RPS6: variants seen among roughly 807,000 people sequenced by gnomAD.
RPS6 encodes small ribosomal subunit protein eS6.
RPS6 carries 1 observed loss-of-function variant against 27.1 expected under a neutral mutation model. The observed-to-expected ratio is 0.04, with a 90% CI of 0.01 to 0.18. The LOEUF (loss-of-function observed/expected upper bound fraction) is 0.18. RPS6 is among the 10% of genes least tolerant of loss of function. RPS6 has a pLI of 1.00. For synonymous variants in RPS6, 152 were observed against 106.0 expected (o/e 1.43, Z -2.66); for missense variants, 259 against 319.1 (o/e 0.81, Z 1.44).
chr9:19,377,812 C>T (rs139602735), intron 4 of RPS6, among the ~76,000 whole-genome samples: 130 of 152,278 alleles, frequency 8.5e-4, no homozygotes, highest in African/African-American at 2.8e-3. Context: ...TATTGTTATC[C>T]ATATCCTACA....
chr9:19,380,070 C>A, intron 1 of RPS6, 120 bp downstream of exon 1: 3 of 1,610,460 alleles, frequency 1.9e-6, no homozygotes. Context: ...CCTTCTCCTA[C>A]TTGAGACCCT....
At chr9:19,378,639 A>C in intron 3 of RPS6, 69 bp downstream of exon 3, 1 of 1,584,002 alleles carries the variant, frequency 6.3e-7, no homozygotes, top group Non-Finnish European at 8.7e-7. Flanking sequence ...GGATACTGCA[A>C]ATGAATAAGC....
intron 3 of RPS6, 29 bp downstream of exon 3, chr9:19,378,679 A>C (rs757544668): frequency 1.2e-6 from 2 of 1,609,422 alleles, no homozygotes; most frequent in Non-Finnish European, 1.7e-6. Context: ...AATCAATTTC[A>C]ACGAAAATTG....
At chr9:19,379,955 G>C in intron 1 of RPS6, 8 of 1,437,270 alleles carry the variant, frequency 5.6e-6, no homozygotes, top group Non-Finnish European at 7.3e-6. Flanking sequence ...ATCCGTCCCG[G>C]CTGGGCGCGG....
rs1829562521 is a variant in RPS6, at chr9:19,375,799, G to C, written c.*494C>G. 1 of 152,570 alleles carries C rather than the reference G, an allele frequency of 6.6e-6. No individual in the cohort carries two copies. 9.5% of individuals were successfully genotyped at this position (152,570 alleles called of 1,614,324 possible). On this transcript the variant is annotated 3_prime_UTR_variant, in exon 6 of 6. Coordinates refer to ENST00000380394, the MANE Select transcript of RPS6 (RefSeq NM_001010.3). ...CAATTCACTGGAGTTGAAAAGCTTT[G>C]TTAAAACAAATTTGAAATGGCTTAA...
intron 1 of RPS6, 46 bp from the exon 2 acceptor site, chr9:19,379,664 G>A (rs1238455352): frequency 2.5e-6 from 4 of 1,568,656 alleles, no homozygotes; most frequent in African/African-American, 1.4e-5. Flanking sequence ...TATCTATACA[G>A]GTAATTGTAG....
intron 1 of RPS6, chr9:19,379,942 CGCA>C: frequency 7.0e-7 from 1 of 1,434,682 alleles, no homozygotes; most frequent in South Asian, 1.5e-5. Flanking sequence ...GGCAACACGC[CGCA>C]TCCGTCCCGG....
At position 19,379,344 on chromosome 9, in the gene RPS6, T is replaced by A. The variant is rs141083634; in HGVS notation, c.138+143A>T. ...GTCCCCCCCTCCAAGGTAATACCTCTAACTTTATAAAGTGGCATTCGGAAG... is the reference window on the plus strand; with the variant it reads ...GTCCCCCCCTCCAAGGTAATACCTCAAACTTTATAAAGTGGCATTCGGAAG... On this transcript the variant is annotated intron_variant, in intron 2 of 5. Coordinates refer to ENST00000380394, the MANE Select transcript of RPS6 (RefSeq NM_001010.3). 4.1e-5 allele frequency: 63 copies of A among 1,543,280 alleles called. 1 individual carries two copies. In the African/African-American group the frequency reaches 6.7e-4, roughly 16 times the overall value.
In RPS6 at chr9:19,378,760, A is replaced by C. The variant is rs1459067370; in HGVS notation, c.297T>G (p.Gly99=). Residue 99 remains glycine, a synonymous_variant, in exon 3 of 6, where the codon GGT becomes GGG. Coordinates refer to ENST00000380394, the MANE Select transcript of RPS6 (RefSeq NM_001010.3). ...CGCTCAGATTTGCATCCACAATGCA[A>C]CCACGAACTGATTTTCTCTTTCTTT... is the stretch of plus-strand genomic sequence containing the variant. ...TGERKRKSVR[G]CIVDANLSVL... 1.2e-6 allele frequency: 2 copies of C among 1,614,188 alleles called. No individual in the cohort carries two copies. Among genetic ancestry groups the C allele is most frequent in the African/African-American group, 1.3e-5 (1 of 75,060 alleles).
rs892869061 is a variant in RPS6, at chr9:19,379,479, A to C, written c.138+8T>G. The C allele has an allele frequency of 1.2e-6, 2 of 1,614,148 alleles. No individual in the cohort carries two copies. The highest frequency in any genetic ancestry group is 1.7e-6 in the Non-Finnish European group (2 of 1,180,014). ...CTTAAATACCTGCAACAATTTGTCA[A>C]CTTTTACCTTCCATTCTTCACCCAG... is the stretch of plus-strand genomic sequence containing the variant. On this transcript the variant is annotated splice_region_variant and intron_variant, in intron 2 of 5. Transcript: ENST00000380394.
In RPS6 at chr9:19,376,683, A is replaced by G. The variant is rs1333766148; in HGVS notation, c.497-32T>C. ...ATTCAAAGGACTCAATCATTTCAAT[A>G]TTTGTTTTGTTAGAATCCACATCTA... On this transcript the variant is annotated intron_variant, in intron 4 of 5. Transcript: ENST00000380394. 6.3e-6 allele frequency: 10 copies of G among 1,584,730 alleles called. No individual in the cohort carries two copies. The East Asian group carries it at 1.1e-4, about 18-fold the overall frequency.
intron 1 of RPS6, 131 bp downstream of exon 1, chr9:19,380,059 G>C (rs1414754475): frequency 5.0e-6 from 8 of 1,595,688 alleles, no homozygotes; most frequent in Non-Finnish European, 6.8e-6. Context: ...AGAAAGGCGA[G>C]CCTTCTCCTA....
chr9:19,378,429 G>A lies in RPS6; in HGVS notation c.435C>T (p.Phe145=), dbSNP rs576977608. The A allele has an allele frequency of 2.0e-5, 32 of 1,613,908 alleles. No individual in the cohort carries two copies. The highest frequency in any genetic ancestry group is 8.8e-5 in the South Asian group (8 of 91,072). ...GGACATCATCTTCTTTAGAGAGATT[G>A]AAAAGTTTGCGGATTCTGCTAGCTC... The part of the protein sequence containing the change: ...PKRASRIRKL[F]NLSKEDDVRQ... The change falls in exon 4 of 6, where the codon TTC becomes TTT. Residue 145 remains phenylalanine (F), a synonymous_variant. Transcript: ENST00000380394.
intron 2 of RPS6, chr9:19,379,214 C>A: frequency 8.3e-7 from 1 of 1,200,154 alleles, no homozygotes; most frequent in Non-Finnish European, 1.1e-6. Context: ...CTTTTTGGCA[C>A]TTTGGGGATT....
Position 19,378,347 on chromosome 9 carries a change from T to C in RPS6, c.496+21A>G, listed in dbSNP as rs1196424247. ...CAAATTACCAAAATTAAGCAAGCCC[T>C]AATTGCATAATCCCTCCTACCTTCT... On this transcript the variant is annotated intron_variant, in intron 4 of 5. Coordinates refer to ENST00000380394, the MANE Select transcript of RPS6 (RefSeq NM_001010.3). The C allele has an allele frequency of 4.4e-6, 7 of 1,608,860 alleles. No homozygotes were observed. The African/African-American group carries it at 5.4e-5, about 12-fold the overall frequency.
At position 19,376,020 on chromosome 9, in the gene RPS6, T is replaced by TG. The variant is rs1829574090; in HGVS notation, c.*272_*273insC. 1 of 315,200 alleles carries TG rather than the reference T, an allele frequency of 3.2e-6. No individual in the cohort carries two copies. Among genetic ancestry groups the TG allele is most frequent in the Non-Finnish European group, 5.8e-6 (1 of 171,220 alleles). 19.5% of individuals were successfully genotyped at this position (315,200 alleles called of 1,614,324 possible). A position where few individuals can be genotyped will look rare whatever the true frequency, so the allele number is the denominator to read the frequency against. On this transcript the variant is annotated 3_prime_UTR_variant, in exon 6 of 6. Transcript: ENST00000380394. ...GATTAATAGTCCTCATCATTTCCCC[T>TG]AAGTTCCATGCCATTCTGAAGAGGC...
intron 2 of RPS6, 123 bp downstream of exon 2, chr9:19,379,364 C>G (rs748491628): frequency 1.2e-5 from 18 of 1,551,138 alleles, no homozygotes; most frequent in Non-Finnish European, 1.4e-5. Context: ...AAGTGGCATT[C>G]GGAAGCAACT....
At position 19,376,815 on chromosome 9, in the gene RPS6, C is replaced by T. The variant is rs972484331; in HGVS notation, c.497-164G>A. ...TATTCTAAAATGCTTTTTGCCCCTC[C>T]ACAGAAATCTAGAAGATTGGTTAAA... On this transcript the variant is annotated intron_variant, in intron 4 of 5. Coordinates refer to ENST00000380394, the MANE Select transcript of RPS6 (RefSeq NM_001010.3). The T allele has an allele frequency of 1.3e-5, 7 of 557,228 alleles. No homozygotes were observed. The Admixed American group carries it at 2.6e-4, about 21-fold the overall frequency. The allele number at this position is 557,228 out of a possible 1,614,324, so 34.5% of individuals were successfully genotyped here.
At position 19,379,164 on chromosome 9, in the gene RPS6, G is replaced by C. The variant is rs576920696; in HGVS notation, c.139-246C>G. 3.7e-5 allele frequency: 31 copies of C among 842,456 alleles called. No individual in the cohort carries two copies. In the African/African-American group the frequency reaches 4.3e-4, roughly 12 times the overall value. The allele number at this position is 842,456 out of a possible 1,614,324, so 52.2% of individuals were successfully genotyped here. A position where few individuals can be genotyped will look rare whatever the true frequency, so the allele number is the denominator to read the frequency against. ...TTATTAGAGATAACAGCACTAAGAA[G>C]ATAAAATATCAAACAGCAACAAACA... On this transcript the variant is annotated intron_variant, in intron 2 of 5. Transcript: ENST00000380394.
Sources: allele counts gnomAD v4.1 joint callset (sites outside exome capture counted in the v4.1 genomes callset), GRCh38; gene constraint gnomAD v4.1.1; transcripts MANE v1.5; gene names NCBI Gene and HGNC (gene_info 2026-07-23, HGNC 2026-07-21).